ITSN1: variants seen among roughly 807,000 people sequenced by gnomAD.
ITSN1 encodes the protein intersectin 1.
ITSN1 carries 58 observed loss-of-function variants against 239.8 expected under a neutral mutation model. The observed-to-expected ratio is 0.24, with a 90% CI of 0.20 to 0.30. ITSN1 has a LOEUF of 0.30. Among genes scored for constraint, ITSN1 ranks in the 10% least tolerant of loss-of-function variants. The pLI, the probability that ITSN1 is intolerant of heterozygous loss-of-function variation, is 1.00. For missense variants in ITSN1, 1,558 were observed against 2,103.3 expected (o/e 0.74, Z 5.07); for synonymous variants, 780 against 770.8 (o/e 1.01, Z -0.20).
At chr21:33,831,555 G>A (rs750955989) in intron 27 of ITSN1, among the ~76,000 whole-genome samples, 14 of 152,144 alleles carry the variant, frequency 9.2e-5, no homozygotes, top group Non-Finnish European at 1.9e-4. Context: ...GACTAGCCAC[G>A]GAAGACAGAC....
chr21:33,856,853 C>G lies in ITSN1; in HGVS notation c.3779C>G (p.Thr1260Arg). The change falls in exon 30 of 40, where the codon ACA (threonine) becomes AGA (arginine). Residue 1260 changes from threonine to arginine, a missense_variant. By Grantham distance (71) the Thr-to-Arg change is moderately conservative. Transcript: ENST00000381318. ...ENYVNDLQLV[T>R]EIFQKPLMES... The stretch of plus-strand genomic sequence containing the variant: ...TATGTGAATGACCTGCAGCTGGTCA[C>G]AGAGGTAAGGGAGCTGGTGGGGCAG... 7 of 1,613,782 alleles carry G rather than the reference C, an allele frequency of 4.3e-6. No individual in the cohort carries two copies. Among genetic ancestry groups the G allele is most frequent in the Non-Finnish European group, 5.9e-6 (7 of 1,179,886 alleles).
chr21:33,884,248 T>A (rs1248615508), intron 36 of ITSN1, among the ~76,000 whole-genome samples: 1 of 152,086 alleles, frequency 6.6e-6, no homozygotes, highest in East Asian at 1.9e-4. Context: ...AAGAAATGTT[T>A]CGCATTCTTT....
intron 1 of ITSN1, among the ~76,000 whole-genome samples, chr21:33,696,454 A>T (rs1369235670): frequency 1.3e-5 from 2 of 152,226 alleles, no homozygotes; most frequent in East Asian, 3.8e-4. Flanking sequence ...AGCTGTGAAG[A>T]TGTCATACAT....
intron 6 of ITSN1, among the ~76,000 whole-genome samples, chr21:33,750,815 A>C (rs1227881031): frequency 6.6e-6 from 1 of 152,182 alleles, no homozygotes; most frequent in Non-Finnish European, 1.5e-5. Context: ...AGGATTTAAA[A>C]GTTTCTGGTT....
chr21:33,728,603 A>G lies in ITSN1; in HGVS notation c.185+5952A>G, dbSNP rs80157559. The stretch of plus-strand genomic sequence containing the variant: ...GTACTTAGTGTTTCCTCTTCCTATA[A>G]TTCAGTTGCTCTAGTTCCTCACATC... On this transcript the variant is annotated intron_variant, in intron 4 of 39. Transcript: ENST00000381318. 5.2e-3 allele frequency among the ~76,000 whole-genome samples: 791 copies of G among 152,134 alleles called. 20 individuals are homozygous for G. Among genetic ancestry groups the G allele is most frequent in the East Asian group, 0.045 (232 of 5,156 alleles).
intron 20 of ITSN1, among the ~76,000 whole-genome samples, chr21:33,810,494 T>C (rs2072824353): frequency 6.6e-6 from 1 of 152,210 alleles, no homozygotes; most frequent in Admixed American, 6.5e-5. Context: ...TGGTTTTTTT[T>C]TTTAAATCTT....
At chr21:33,786,728 A>G (rs527562297) in intron 16 of ITSN1, among the ~76,000 whole-genome samples, 1 of 152,324 alleles carries the variant, frequency 6.6e-6, no homozygotes, top group Non-Finnish European at 1.5e-5. Flanking sequence ...TTTATGTTTC[A>G]TGTTGAAAAG....
intron 1 of ITSN1, among the ~76,000 whole-genome samples, chr21:33,672,699 C>G (rs1283838559): frequency 6.6e-6 from 1 of 151,744 alleles, no homozygotes. Context: ...TCCCAATAGA[C>G]AAGATATGGA....
At chr21:33,779,396 CTT>C (rs1310386191) in intron 14 of ITSN1, among the ~76,000 whole-genome samples, 1 of 152,032 alleles carries the variant, frequency 6.6e-6, no homozygotes, top group Non-Finnish European at 1.5e-5. Flanking sequence ...AATTCAAAAT[CTT>C]TTTTAAATTT....
At chr21:33,791,078 T>C (rs2071090078) in intron 16 of ITSN1, among the ~76,000 whole-genome samples, 1 of 152,234 alleles carries the variant, frequency 6.6e-6, no homozygotes, top group Non-Finnish European at 1.5e-5. Flanking sequence ...ATTCTATAGA[T>C]TGCCTTCTCG....
intron 1 of ITSN1, among the ~76,000 whole-genome samples, chr21:33,699,359 T>TA (rs767639474): frequency 2.3e-4 from 35 of 152,192 alleles, no homozygotes; most frequent in South Asian, 1.0e-3. Context: ...AGTACCATAA[T>TA]AAAAATCTGT....
At chr21:33,866,654 G>A (rs558807154) in intron 32 of ITSN1, among the ~76,000 whole-genome samples, 3 of 152,288 alleles carry the variant, frequency 2.0e-5, no homozygotes, top group African/African-American at 4.8e-5. Context: ...GCAGCTGCCC[G>A]TTTCTAAGGC....
chr21:33,664,373 G>A (rs921917296), intron 1 of ITSN1, among the ~76,000 whole-genome samples: 6 of 152,146 alleles, frequency 3.9e-5, no homozygotes, highest in African/African-American at 1.4e-4. Flanking sequence ...GAGGTAGTAG[G>A]AGCGGGATGG....
At chr21:33,750,037 T>TA (rs2067441923) in intron 5 of ITSN1, 106 bp from the exon 6 acceptor site, 1 of 1,035,152 alleles carries the variant, frequency 9.7e-7, no homozygotes, top group Non-Finnish European at 1.5e-6. Flanking sequence ...AATTGGAATA[T>TA]ATTACAGCTG....
rs1200981611 is a variant in ITSN1 at position 33,889,623 on chromosome 21, T to C, written c.*1323T>C. On this transcript the variant is annotated 3_prime_UTR_variant, in exon 40 of 40. Transcript: ENST00000381318. ...GGGCCGTGTTTTGTTTGCATGTTAA[T>C]ATTCTCATAATCCTAGTTTGTTGTG... 1 of 152,256 alleles carries C rather than the reference T, an allele frequency of 6.6e-6. No homozygotes were observed. The highest frequency in any genetic ancestry group is 1.5e-5 in the Non-Finnish European group (1 of 68,040). 9.4% of individuals were successfully genotyped at this position (152,256 alleles called of 1,614,324 possible).
rs1292873912 is a variant in ITSN1 at position 33,876,132 on chromosome 21, T to C, written c.4341+611T>C. Among the ~76,000 whole-genome samples the C allele has an allele frequency of 1.9e-4, 3 of 16,128 alleles. No individual in the cohort carries two copies. In the African/African-American group the frequency reaches 3.2e-3, roughly 17 times the overall value. The allele number at this position is 16,128 out of a possible 152,430, so 10.6% of individuals were successfully genotyped here. On this transcript the variant is annotated intron_variant, in intron 34 of 39. Coordinates refer to ENST00000381318, the MANE Select transcript of ITSN1 (RefSeq NM_003024.3). ...TTCTTTCTTTCTTTCTTTCTTTCTT[T>C]CTTTCTTTCTTTCTTTCTTTCTCTC...
chr21:33,827,237 A>G (rs933817827), intron 26 of ITSN1, among the ~76,000 whole-genome samples: 2 of 151,966 alleles, frequency 1.3e-5, no homozygotes, highest in African/African-American at 2.4e-5. Context: ...GGTCTGTACC[A>G]AAAAATAGAA....
At chr21:33,803,699 A>G (rs942074786) in intron 20 of ITSN1, among the ~76,000 whole-genome samples, 1 of 152,192 alleles carries the variant, frequency 6.6e-6, no homozygotes, top group African/African-American at 2.4e-5. Flanking sequence ...ATAGACTTCT[A>G]TGTTATTTTC....
chr21:33,846,997 C>T (rs1436798456), intron 29 of ITSN1, among the ~76,000 whole-genome samples: 1 of 152,216 alleles, frequency 6.6e-6, no homozygotes, highest in East Asian at 1.9e-4. Context: ...GGAAGCCCCA[C>T]AAAAGTAGGG....
Sources: gnomAD v4.1 joint callset for allele counts (sites outside exome capture counted in the v4.1 genomes callset) on GRCh38, gnomAD v4.1.1 for gene constraint, MANE v1.5 for transcripts, NCBI Gene and HGNC (gene_info 2026-07-23, HGNC 2026-07-21) for gene names.